FKBP8: variants seen among roughly 807,000 people sequenced by gnomAD.
FKBP8 encodes peptidyl-prolyl cis-trans isomerase FKBP8.
In FKBP8, 5 loss-of-function variants were observed where a neutral mutation model predicts 41.7. That is an observed-to-expected ratio of 0.12 (90% CI 0.06 to 0.25). The LOEUF (loss-of-function observed/expected upper bound fraction) is 0.25. Among genes scored for constraint, FKBP8 ranks in the 10% least tolerant of loss-of-function variants. The pLI is 1.00. For synonymous variants in FKBP8, 279 were observed against 254.5 expected (o/e 1.10, Z -0.92); for missense variants, 397 against 563.0 (o/e 0.71, Z 2.98).
At chr19:18,539,075 A>G (rs1397037523) in intron 4 of FKBP8, among the ~76,000 whole-genome samples, 1 of 151,696 alleles carries the variant, frequency 6.6e-6, no homozygotes, top group Non-Finnish European at 1.5e-5. Flanking sequence ...TGGCCTCCCA[A>G]AGTGCTGGGA....
At chr19:18,532,955 C>A in intron 7 of FKBP8, 160 bp from the exon 8 acceptor site, 1 of 1,224,384 alleles carries the variant, frequency 8.2e-7, no homozygotes, top group Non-Finnish European at 1.1e-6. Flanking sequence ...GCTGCTGACC[C>A]CATCCCTCCT....
intron 2 of FKBP8, among the ~76,000 whole-genome samples, chr19:18,541,056 G>A (rs1046521620): frequency 3.3e-5 from 5 of 151,990 alleles, no homozygotes; most frequent in Admixed American, 2.0e-4. Flanking sequence ...TTAGATATCA[G>A]TACTATACTA....
chr19:18,542,115 T>C (rs1976716559), intron 1 of FKBP8, 120 bp from the exon 2 acceptor site: 2 of 1,410,574 alleles, frequency 1.4e-6, no homozygotes, highest in Non-Finnish European at 1.9e-6. Flanking sequence ...CAGGCCTCAG[T>C]TTCCTCATCT....
intron 6 of FKBP8, chr19:18,535,954 T>A (rs1222207876): frequency 2.6e-5 from 4 of 151,886 alleles, no homozygotes; most frequent in African/African-American, 9.7e-5. Flanking sequence ...TGCTTGAACC[T>A]GTTTGAGTGG....
chr19:18,533,533 G>A (rs896724163), intron 6 of FKBP8, among the ~76,000 whole-genome samples, 186 bp from the exon 7 acceptor site: 8 of 152,042 alleles, frequency 5.3e-5, no homozygotes, highest in Admixed American at 6.6e-5. Context: ...GAGAAACCCC[G>A]TCTCTACCAA....
intron 1 of FKBP8, chr19:18,542,365 G>C (rs934600322): frequency 4.9e-6 from 1 of 205,080 alleles, no homozygotes; most frequent in Non-Finnish European, 1.0e-5. Context: ...AGGAGGATTT[G>C]AACCTGGGGC....
chr19:18,541,911 C>T lies in FKBP8; in HGVS notation c.60G>A (p.Pro20=), dbSNP rs760166092. The change falls in exon 2 of 9, where the codon CCG becomes CCA. Residue 20 remains proline (P), a synonymous_variant. Coordinates refer to ENST00000608443, the MANE Select transcript of FKBP8 (RefSeq NM_012181.5). ...CATCCAGTACCTCGAAGTCCTCGAG[C>T]GGTGGGACCCCGGCGGGCAGTGGGG... is the stretch of plus-strand genomic sequence containing the variant. ...PSAPLPAGVP[P]LEDFEVLDGV... The T allele has an allele frequency of 1.2e-5, 19 of 1,613,966 alleles. No homozygotes were observed. Among genetic ancestry groups the T allele is most frequent in the African/African-American group, 4.0e-5 (3 of 74,912 alleles).
rs1445839025 is a variant in FKBP8, at chr19:18,542,007, G to C, written c.-25-12C>G. 6.2e-7 allele frequency: 1 copy of C among 1,601,130 alleles called. No individual in the cohort carries two copies. Among genetic ancestry groups the C allele is most frequent in the Non-Finnish European group, 8.5e-7 (1 of 1,173,444 alleles). ...GACAGGAATTGGCCCTGGAAGTGGGGGGCAGAGATGTGGGTCAGAATCCTA... is the reference window on the plus strand; with the variant it reads ...GACAGGAATTGGCCCTGGAAGTGGGCGGCAGAGATGTGGGTCAGAATCCTA... On this transcript the variant is annotated splice_polypyrimidine_tract_variant and intron_variant, in intron 1 of 8. Transcript: ENST00000608443.
chr19:18,543,348 T>G (rs1976754062), intron 1 of FKBP8, 138 bp downstream of exon 1: 5 of 68,974 alleles, frequency 7.2e-5, no homozygotes, highest in South Asian at 6.7e-4. Flanking sequence ...CCGACCCCCG[T>G]GCCCCCCCGG....
At chr19:18,534,866 C>T (rs1279707890) in intron 6 of FKBP8, among the ~76,000 whole-genome samples, 1 of 152,302 alleles carries the variant, frequency 6.6e-6, no homozygotes, top group African/African-American at 2.4e-5. Flanking sequence ...TGGCTCAATG[C>T]AAGCTCTGCC....
chr19:18,532,449 C>T lies in FKBP8; in HGVS notation c.1156-194G>A, dbSNP rs113455936. ...GCCCCTCCTCCAGGACACCGCCCCT[C>T]GTGCCCTGGAAGAGGCTCCACAGTC... is the stretch of plus-strand genomic sequence containing the variant. On this transcript the variant is annotated intron_variant, in intron 8 of 8. Coordinates refer to ENST00000608443, the MANE Select transcript of FKBP8 (RefSeq NM_012181.5). The T allele has an allele frequency of 5.9e-4, 537 of 910,628 alleles. 1 individual carries two copies. Among genetic ancestry groups the T allele is most frequent in the Middle Eastern group, 3.6e-3 (14 of 3,918 alleles). 56.4% of individuals were successfully genotyped at this position (910,628 alleles called of 1,614,324 possible). A position where few individuals can be genotyped will look rare whatever the true frequency, so the allele number is the denominator to read the frequency against.
intron 6 of FKBP8, among the ~76,000 whole-genome samples, chr19:18,535,177 C>T (rs556724398): frequency 2.6e-5 from 4 of 152,280 alleles, no homozygotes; most frequent in Admixed American, 2.6e-4. Context: ...GCCTCGGTCT[C>T]CCAAAGTGCT....
At chr19:18,534,631 G>C (rs1314850251) in intron 6 of FKBP8, among the ~76,000 whole-genome samples, 1 of 151,800 alleles carries the variant, frequency 6.6e-6, no homozygotes, top group African/African-American at 2.4e-5. Flanking sequence ...ACCCAGGCTG[G>C]AGTGCAATGG....
rs940045370 is a variant in FKBP8, at chr19:18,537,482, C to T, written c.945+119G>A. ...ACCCGTCTGGGCCTCAGTTTCTCCA[C>T]CTGCACCCCACAGAGCTCAGCTGGC... On this transcript the variant is annotated intron_variant, in intron 6 of 8. Coordinates refer to ENST00000608443, the MANE Select transcript of FKBP8 (RefSeq NM_012181.5). This position sits in a 1 kb window ranked among gnomAD's most constrained non-coding sequence, Gnocchi z 4.4. 7 of 947,904 alleles carry T rather than the reference C, an allele frequency of 7.4e-6. No homozygotes were observed. The East Asian group carries it at 2.1e-4, about 28-fold the overall frequency. The allele number at this position is 947,904 out of a possible 1,614,324, so 58.7% of individuals were successfully genotyped here.
At position 18,537,072 on chromosome 19, in the gene FKBP8, C is replaced by T. The variant is rs1042301487; in HGVS notation, c.945+529G>A. Among the ~76,000 whole-genome samples the T allele has an allele frequency of 1.3e-5, 2 of 152,028 alleles. No individual in the cohort carries two copies. The highest frequency in any genetic ancestry group is 2.9e-5 in the Non-Finnish European group (2 of 68,002). On this transcript the variant is annotated intron_variant, in intron 6 of 8. Transcript: ENST00000608443. This position sits in a 1 kb window ranked among gnomAD's most constrained non-coding sequence, Gnocchi z 4.4. ...CACTGGGCCAAGCCGGGCACGGTGG[C>T]TCAGGCCTGTAATCTCAGCACATGG...
chr19:18,535,723 CAAAA>C (rs1287946475), intron 6 of FKBP8, among the ~76,000 whole-genome samples: 1 of 55,454 alleles, frequency 1.8e-5, no homozygotes. Flanking sequence ...GACTCTGTCT[CAAAA>C]AAAAAAAAAA....
chr19:18,541,479 C>T (rs546069416), intron 2 of FKBP8, among the ~76,000 whole-genome samples, 200 bp downstream of exon 2: 4 of 152,274 alleles, frequency 2.6e-5, no homozygotes, highest in African/African-American at 4.8e-5. Context: ...ATCTGGGAAA[C>T]GGGGACACAG....
rs764311952 is a variant in FKBP8 at position 18,541,884 on chromosome 19, C to G, written c.87G>C (p.Gly29=). Residue 29 remains glycine, a synonymous_variant, in exon 2 of 9, where the codon GGG becomes GGC. Coordinates refer to ENST00000608443, the MANE Select transcript of FKBP8 (RefSeq NM_012181.5). ...PPLEDFEVLD[G]VEDAEGEEEE... Reference sequence around the variant, plus strand: ...CCTCCTCACCCTCTGCATCCTCAACCCCATCCAGTACCTCGAAGTCCTCGA... The same window carrying G: ...CCTCCTCACCCTCTGCATCCTCAACGCCATCCAGTACCTCGAAGTCCTCGA... 1 of 1,613,980 alleles carries G rather than the reference C, an allele frequency of 6.2e-7. No homozygotes were observed. Among genetic ancestry groups the G allele is most frequent in the South Asian group, 1.1e-5 (1 of 91,054 alleles).
chr19:18,541,096 C>T (rs1253186325), intron 2 of FKBP8, among the ~76,000 whole-genome samples: 1 of 151,812 alleles, frequency 6.6e-6, no homozygotes, highest in African/African-American at 2.4e-5. Flanking sequence ...AGAAAACTAA[C>T]ATTTCTCTTG....
Sources: allele counts gnomAD v4.1 joint callset (sites outside exome capture counted in the v4.1 genomes callset), GRCh38; gene constraint gnomAD v4.1.1; non-coding constraint Gnocchi (gnomAD v3.1); transcripts MANE v1.5; gene names NCBI Gene and HGNC (gene_info 2026-07-23, HGNC 2026-07-21).